STK33: variants seen among roughly 807,000 people sequenced by gnomAD.
The protein encoded by STK33 is serine/threonine kinase 33.
STK33 carries 52 observed loss-of-function variants against 58.0 expected under a neutral mutation model. The observed-to-expected ratio is 0.90, with a 90% confidence interval of 0.72 to 1.13. STK33 has a LOEUF of 1.13. Ranked by LOEUF, STK33 falls within the 50% of genes most tolerant of loss-of-function variation. The pLI, the probability that STK33 is intolerant of heterozygous loss-of-function variation, is 0.00. For synonymous variants in STK33, 215 were observed against 200.1 expected (o/e 1.07, Z -0.63); for missense variants, 630 against 604.2 (o/e 1.04, Z -0.45).
the STK33 span, among the ~76,000 whole-genome samples, chr11:8,382,976 T>C: frequency 1.8e-4 from 27 of 152,260 alleles, no homozygotes; most frequent in Admixed American, 9.2e-4. Flanking sequence ...AGGACACTGA[T>C]AGGAAAATAA....
intron 14 of STK33, among the ~76,000 whole-genome samples, chr11:8,423,017 T>C (rs1942166685): frequency 6.6e-6 from 1 of 150,874 alleles, no homozygotes; most frequent in African/African-American, 2.4e-5. Flanking sequence ...ATTTTTTAAA[T>C]TTTTTGTAGG....
chr11:8,356,433 G>C, the STK33 span, among the ~76,000 whole-genome samples: 4 of 152,132 alleles, frequency 2.6e-5, no homozygotes, highest in Non-Finnish European at 5.9e-5. Context: ...CTGCGAGGGA[G>C]GACCGACGGC....
chr11:8,406,540 A>G (rs1478606492), intron 15 of STK33, among the ~76,000 whole-genome samples: 4 of 152,098 alleles, frequency 2.6e-5, no homozygotes, highest in African/African-American at 7.2e-5. Flanking sequence ...GTCTTTTTCA[A>G]TTTTGCTCAA....
the STK33 span, among the ~76,000 whole-genome samples, chr11:8,382,237 C>A: frequency 0.059 from 9,045 of 152,300 alleles, 459 homozygotes; most frequent in East Asian, 0.26. Flanking sequence ...TTGGGCCTGG[C>A]GCTCATCACA....
At chr11:8,401,313 T>C (rs1284938146) in intron 15 of STK33, among the ~76,000 whole-genome samples, 2 of 151,978 alleles carry the variant, frequency 1.3e-5, no homozygotes, top group Admixed American at 1.3e-4. Context: ...GAAATAATGC[T>C]GCATATCTAC....
chr11:8,557,235 A>AG, intron 1 of STK33, among the ~76,000 whole-genome samples: 1 of 44,978 alleles, frequency 2.2e-5, no homozygotes, highest in Admixed American at 3.5e-4. Context: ...TAGGCAACAG[A>AG]GGGGGACCTT....
At chr11:8,428,090 C>G (rs1330264013) in intron 14 of STK33, among the ~76,000 whole-genome samples, 1 of 152,182 alleles carries the variant, frequency 6.6e-6, no homozygotes, top group African/African-American at 2.4e-5. Flanking sequence ...TTCACACTTA[C>G]CCACCTCCTC....
intron 11 of STK33, among the ~76,000 whole-genome samples, chr11:8,448,221 A>G (rs1036300729): frequency 1.3e-5 from 2 of 152,208 alleles, no homozygotes; most frequent in African/African-American, 2.4e-5. Context: ...GGTAATTTAT[A>G]GATTCAATGC....
chr11:8,501,033 C>T (rs953964540), intron 1 of STK33, among the ~76,000 whole-genome samples: 3 of 152,070 alleles, frequency 2.0e-5, no homozygotes, highest in African/African-American at 7.2e-5. Context: ...ACACCATATA[C>T]AAAACTTAAC....
chr11:8,435,299 AAAC>A (rs1490672286), intron 14 of STK33, among the ~76,000 whole-genome samples, 192 bp downstream of exon 14: 1 of 152,180 alleles, frequency 6.6e-6, no homozygotes, highest in Non-Finnish European at 1.5e-5. Flanking sequence ...AAATATATAT[AAAC>A]AACTGTGACA....
intron 14 of STK33, among the ~76,000 whole-genome samples, chr11:8,414,010 G>A (rs1296973165): frequency 6.6e-6 from 1 of 152,084 alleles, no homozygotes; most frequent in Non-Finnish European, 1.5e-5. Flanking sequence ...CCCCTATAGC[G>A]CTGTTCTTAG....
At chr11:8,539,640 C>G (rs980634180) in intron 1 of STK33, among the ~76,000 whole-genome samples, 2 of 152,060 alleles carry the variant, frequency 1.3e-5, no homozygotes, top group African/African-American at 4.8e-5. Flanking sequence ...GCAAAAGATT[C>G]GAAGAATCTA....
the STK33 span, among the ~76,000 whole-genome samples, chr11:8,352,809 A>T: frequency 6.6e-6 from 1 of 152,318 alleles, no homozygotes; most frequent in East Asian, 1.9e-4. Context: ...TATGTTAATA[A>T]CCATTCTAGG....
chr11:8,592,621 AT>A (rs910862883), intron 1 of STK33, among the ~76,000 whole-genome samples: 3 of 150,630 alleles, frequency 2.0e-5, no homozygotes, highest in Admixed American at 6.6e-5. Flanking sequence ...CTGTTTTTTT[AT>A]TTTTTTTTGA....
the STK33 span, among the ~76,000 whole-genome samples, chr11:8,383,604 A>G: frequency 1.3e-5 from 2 of 152,248 alleles, no homozygotes. Flanking sequence ...AGGCTATGGA[A>G]TTATGATTTA....
chr11:8,439,999 T>C (rs1240929393), intron 12 of STK33, among the ~76,000 whole-genome samples: 5 of 149,954 alleles, frequency 3.3e-5, no homozygotes, highest in African/African-American at 1.2e-4. Context: ...ATGGGGAGGG[T>C]GACCAGAAGT....
chr11:8,460,847 A>G (rs564809012), intron 8 of STK33, among the ~76,000 whole-genome samples: 1 of 152,326 alleles, frequency 6.6e-6, no homozygotes, highest in African/African-American at 2.4e-5. Flanking sequence ...ATTGCCATAT[A>G]CTGCTCTTAT....
intron 11 of STK33, among the ~76,000 whole-genome samples, chr11:8,446,389 T>C (rs910025933): frequency 6.6e-6 from 1 of 152,322 alleles, no homozygotes. Context: ...GGTTCTGCTC[T>C]GATCTTAGTT....
chr11:8,408,474 TA>T (rs1475697243), intron 15 of STK33, among the ~76,000 whole-genome samples: 7 of 152,314 alleles, frequency 4.6e-5, no homozygotes, highest in African/African-American at 1.7e-4. Flanking sequence ...GGAGTAGAAG[TA>T]GGGACAAAAT....
Sources: gnomAD v4.1 joint callset for allele counts (sites outside exome capture counted in the v4.1 genomes callset) on GRCh38, gnomAD v4.1.1 for gene constraint, MANE v1.5 for transcripts, NCBI Gene and HGNC (gene_info 2026-07-23, HGNC 2026-07-21) for gene names.